The following HAPSTR1 variants were observed in gnomAD, a reference collection of about 807,000 sequenced individuals.
HAPSTR1 encodes the protein HUWE1-associated protein modifying stress responses 1.
the HAPSTR1 span, chr16:9,104,123 T>C: frequency 1.3e-5 from 2 of 151,706 alleles, no homozygotes; most frequent in African/African-American, 2.4e-5. Flanking sequence ...TCTTTTTTTT[T>C]TTTTTTTGGA....
chr16:9,106,588 A>C, the HAPSTR1 span: 1 of 151,618 alleles, frequency 6.6e-6, no homozygotes, highest in East Asian at 2.0e-4. Flanking sequence ...GCTGGCCTCA[A>C]ATAGTTTTTA....
chr16:9,118,280 T>A, the HAPSTR1 span: 1 of 152,650 alleles, frequency 6.6e-6, no homozygotes, highest in South Asian at 2.1e-4. Flanking sequence ...TAGTCCAGTA[T>A]CAGTTACTTC....
the HAPSTR1 span, chr16:9,108,879 T>A: frequency 2.0e-5 from 3 of 152,330 alleles, no homozygotes; most frequent in Admixed American, 2.0e-4. Context: ...TTACCTACCC[T>A]ACCATGACAC....
chr16:9,110,284 G>GA, the HAPSTR1 span: 4 of 151,386 alleles, frequency 2.6e-5, no homozygotes, highest in Admixed American at 6.6e-5. Context: ...AGGGCCGTAT[G>GA]AAAAAATCAT....
the HAPSTR1 span, among the ~76,000 whole-genome samples, chr16:9,095,970 C>A: frequency 6.6e-6 from 1 of 150,438 alleles, no homozygotes; most frequent in Admixed American, 6.6e-5. Context: ...TTTTTTGATT[C>A]CTGGAACTAA....
At chr16:9,098,264 CG>C in the HAPSTR1 span, among the ~76,000 whole-genome samples, 1 of 152,088 alleles carries the variant, frequency 6.6e-6, no homozygotes, top group African/African-American at 2.4e-5. Flanking sequence ...ACCTGGGAGG[CG>C]GAGGTTGTGG....
At chr16:9,095,233 AGT>A in the HAPSTR1 span, among the ~76,000 whole-genome samples, 3 of 152,150 alleles carry the variant, frequency 2.0e-5, no homozygotes, top group African/African-American at 7.2e-5. Flanking sequence ...TGATTCAAGG[AGT>A]GTGTGGATAA....
chr16:9,097,327 C>T, the HAPSTR1 span, among the ~76,000 whole-genome samples: 1 of 151,304 alleles, frequency 6.6e-6, no homozygotes, highest in African/African-American at 2.4e-5. Context: ...ACTGTAACCT[C>T]CACCTTCCAG....
the HAPSTR1 span, chr16:9,093,145 C>G: frequency 4.9e-6 from 4 of 817,152 alleles, no homozygotes; most frequent in Middle Eastern, 3.7e-4. Flanking sequence ...CGGCGGTGCT[C>G]TAGCTAGATC....
the HAPSTR1 span, chr16:9,092,857 T>G: frequency 2.8e-6 from 4 of 1,433,024 alleles, no homozygotes; most frequent in Middle Eastern, 2.2e-4. Flanking sequence ...GTTCTCTTTC[T>G]TTCTCTTTCT....
chr16:9,101,362 C>T, the HAPSTR1 span, among the ~76,000 whole-genome samples: 1 of 152,192 alleles, frequency 6.6e-6, no homozygotes, highest in Admixed American at 6.5e-5. Flanking sequence ...TAGTGAGACA[C>T]TGGAGAAGTT....
chr16:9,114,306 C>G, the HAPSTR1 span, among the ~76,000 whole-genome samples: 2 of 151,964 alleles, frequency 1.3e-5, no homozygotes, highest in Non-Finnish European at 2.9e-5. Flanking sequence ...AGGGTGACAC[C>G]AGCCTTTCAG....
At chr16:9,095,697 G>GT in the HAPSTR1 span, among the ~76,000 whole-genome samples, 1,925 of 152,102 alleles carry the variant, frequency 0.013, 27 homozygotes, top group Non-Finnish European at 0.018. Flanking sequence ...CTTTTGAAAA[G>GT]TTGAAAATTG....
the HAPSTR1 span, among the ~76,000 whole-genome samples, chr16:9,115,904 C>T: frequency 1.3e-5 from 2 of 152,184 alleles, no homozygotes; most frequent in African/African-American, 2.4e-5. Flanking sequence ...GCCACTGCGC[C>T]TGGCCTTGGA....
At chr16:9,110,209 ACTT>A in the HAPSTR1 span, 3 of 147,358 alleles carry the variant, frequency 2.0e-5, no homozygotes, top group Non-Finnish European at 4.4e-5. Flanking sequence ...CTTACATGGA[ACTT>A]CTTATTCTCT....
At chr16:9,091,860 G>A in the HAPSTR1 span, 1 of 427,968 alleles carries the variant, frequency 2.3e-6, no homozygotes, top group Non-Finnish European at 3.9e-6. Context: ...GTCCCTGGTT[G>A]CACGGGGCCG....
At chr16:9,113,667 G>T in the HAPSTR1 span, among the ~76,000 whole-genome samples, 1 of 152,132 alleles carries the variant, frequency 6.6e-6, no homozygotes, top group Non-Finnish European at 1.5e-5. Context: ...CCCATATTTT[G>T]CCATAATAAT....
the HAPSTR1 span, chr16:9,103,034 T>C: frequency 6.2e-7 from 1 of 1,614,222 alleles, no homozygotes; most frequent in Non-Finnish European, 8.5e-7. Flanking sequence ...TCAGATTGGC[T>C]ATCAGCGACG....
At chr16:9,096,904 T>C in the HAPSTR1 span, among the ~76,000 whole-genome samples, 2 of 150,490 alleles carry the variant, frequency 1.3e-5, no homozygotes, top group East Asian at 3.8e-4. Context: ...ATAATACTTA[T>C]TTTTTATAAT....
Sources: gnomAD v4.1 joint callset for allele counts (sites outside exome capture counted in the v4.1 genomes callset) on GRCh38, gnomAD v4.1.1 for gene constraint, MANE v1.5 for transcripts, NCBI Gene and HGNC (gene_info 2026-07-23, HGNC 2026-07-21) for gene names.